CPQ: variants seen among roughly 807,000 people sequenced by gnomAD.
CPQ encodes carboxypeptidase Q.
Under a neutral mutation model 45.7 loss-of-function variants are expected in CPQ, and 37 were observed. That is an observed-to-expected ratio of 0.81 (90% CI 0.62 to 1.07). CPQ has a LOEUF of 1.07. CPQ is among the 50% of genes least tolerant of loss of function. CPQ has a pLI of 0.00. For synonymous variants in CPQ, 186 were observed against 205.8 expected, an observed-to-expected ratio of 0.90 and a Z score of 0.82; for missense variants, 537 against 572.9, an observed-to-expected ratio of 0.94 and a Z score of 0.64.
At chr8:96,736,280 T>C (rs564192768) in intron 1 of CPQ, among the ~76,000 whole-genome samples, 77 of 152,330 alleles carry the variant, frequency 5.1e-4, no homozygotes, top group African/African-American at 1.6e-3. Flanking sequence ...GGTCAGATGC[T>C]CAGTCTCTAC....
Position 96,676,732 on chromosome 8 carries a change from A to T in CPQ, c.-35+31330A>T, listed in dbSNP as rs1334258982. On this transcript the variant is annotated intron_variant, in intron 1 of 7. Coordinates refer to ENST00000220763, the MANE Select transcript of CPQ (RefSeq NM_016134.4). Reference sequence around the variant, plus strand: ...GCAGTTGGTGTTTGGCTACATGGATAGGCTGTTTAGTGGTGATTTCTGAGA... The same window carrying T: ...GCAGTTGGTGTTTGGCTACATGGATTGGCTGTTTAGTGGTGATTTCTGAGA... Among the ~76,000 whole-genome samples, 3 of 152,128 alleles carry T rather than the reference A, an allele frequency of 2.0e-5. No homozygotes were observed. In the Middle Eastern group the frequency reaches 0.01, roughly 517 times the overall value.
At chr8:96,915,929 G>A (rs1812727104) in intron 4 of CPQ, among the ~76,000 whole-genome samples, 1 of 152,108 alleles carries the variant, frequency 6.6e-6, no homozygotes, top group Admixed American at 6.6e-5. Flanking sequence ...GTTTCTGCCT[G>A]GAGGTGATCA....
chr8:96,913,725 G>A (rs1000265512), intron 4 of CPQ, among the ~76,000 whole-genome samples: 3 of 152,162 alleles, frequency 2.0e-5, no homozygotes, highest in African/African-American at 7.2e-5. Flanking sequence ...TATTTTGGTT[G>A]TCTAGCTACT....
chr8:96,970,428 A>G (rs897368738), intron 5 of CPQ, among the ~76,000 whole-genome samples: 2 of 152,212 alleles, frequency 1.3e-5, no homozygotes, highest in Non-Finnish European at 2.9e-5. Context: ...AATAAACCCA[A>G]GCAGTAGGTA....
chr8:96,853,395 G>T (rs987731787), intron 3 of CPQ, among the ~76,000 whole-genome samples: 4 of 152,320 alleles, frequency 2.6e-5, no homozygotes, highest in South Asian at 4.1e-4. Flanking sequence ...CTCCTGTGAA[G>T]ACTGGTAATT....
intron 5 of CPQ, among the ~76,000 whole-genome samples, chr8:96,979,820 A>AT (rs1204321250): frequency 6.6e-6 from 1 of 152,316 alleles, no homozygotes; most frequent in South Asian, 2.1e-4. Flanking sequence ...GAAGTTGATT[A>AT]TTATAAGAGT....
At chr8:96,724,376 C>T (rs1405325192) in intron 1 of CPQ, among the ~76,000 whole-genome samples, 15 of 151,330 alleles carry the variant, frequency 9.9e-5, no homozygotes, top group Non-Finnish European at 1.3e-4. Flanking sequence ...GAAATTTAAT[C>T]CCCAATGTGG....
rs1586512084 is a variant in CPQ, at chr8:97,044,926, G to A, written c.1053+15432G>A. On this transcript the variant is annotated intron_variant, in intron 6 of 7. Coordinates refer to ENST00000220763, the MANE Select transcript of CPQ (RefSeq NM_016134.4). ...GGTGCCTCCCAGTTAGGCTGCTGGG[G>A]GGTCAGGGGTCAGGGACCCACTTGA... 2.6e-5 allele frequency among the ~76,000 whole-genome samples: 4 copies of A among 152,314 alleles called. No individual in the cohort carries two copies. The East Asian group carries it at 7.7e-4, about 29-fold the overall frequency.
chr8:97,134,221 G>GC (rs1357045192), intron 7 of CPQ, among the ~76,000 whole-genome samples: 2 of 152,194 alleles, frequency 1.3e-5, no homozygotes, highest in African/African-American at 4.8e-5. Flanking sequence ...TAAGTGCCAG[G>GC]CATTGAGGAT....
At chr8:97,053,898 C>T (rs559306473) in intron 6 of CPQ, among the ~76,000 whole-genome samples, 2 of 151,800 alleles carry the variant, frequency 1.3e-5, no homozygotes, top group East Asian at 1.9e-4. Context: ...AAGGAAGGAG[C>T]GAACAGAATC....
At chr8:96,666,182 G>C (rs528062702) in intron 1 of CPQ, among the ~76,000 whole-genome samples, 1 of 152,108 alleles carries the variant, frequency 6.6e-6, no homozygotes, top group Non-Finnish European at 1.5e-5. Context: ...CTAGCCCTGT[G>C]GTTATAAAGG....
intron 6 of CPQ, among the ~76,000 whole-genome samples, chr8:97,035,038 G>A (rs1024013120): frequency 7.2e-5 from 11 of 151,876 alleles, no homozygotes; most frequent in Non-Finnish European, 1.3e-4. Context: ...GACTACAGGC[G>A]TGTGCCACCA....
chr8:96,717,451 TG>T (rs1563477788), intron 1 of CPQ, among the ~76,000 whole-genome samples: 1 of 152,096 alleles, frequency 6.6e-6, no homozygotes, highest in African/African-American at 2.4e-5. Flanking sequence ...GCTGTTTTGG[TG>T]ACTATGGCCT....
intron 7 of CPQ, among the ~76,000 whole-genome samples, chr8:97,081,396 A>C (rs1234596265): frequency 6.6e-6 from 1 of 152,128 alleles, no homozygotes; most frequent in Non-Finnish European, 1.5e-5. Context: ...GACCAAGTCA[A>C]AGCCCACATA....
intron 4 of CPQ, among the ~76,000 whole-genome samples, chr8:96,953,345 G>T (rs1813299449): frequency 6.6e-6 from 1 of 151,966 alleles, no homozygotes; most frequent in Non-Finnish European, 1.5e-5. Flanking sequence ...TTATCCTCTG[G>T]GGAGTACTGT....
intron 1 of CPQ, among the ~76,000 whole-genome samples, chr8:96,657,470 G>A (rs540934565): frequency 6.6e-6 from 1 of 152,258 alleles, no homozygotes; most frequent in East Asian, 1.9e-4. Context: ...TATTCATTCA[G>A]CTGTCTCCGT....
At chr8:96,964,454 GA>G (rs1246543084) in intron 4 of CPQ, among the ~76,000 whole-genome samples, 2 of 152,068 alleles carry the variant, frequency 1.3e-5, no homozygotes, top group Admixed American at 6.6e-5. Context: ...TAATGATAAT[GA>G]AGCTGAGTAT....
intron 4 of CPQ, among the ~76,000 whole-genome samples, chr8:96,945,566 T>G (rs1002971318): frequency 7.9e-5 from 12 of 152,140 alleles, no homozygotes; most frequent in Non-Finnish European, 1.6e-4. Context: ...ATTGAGCTGT[T>G]TTTTCTTTTT....
At chr8:97,115,692 C>G (rs535824251) in intron 7 of CPQ, among the ~76,000 whole-genome samples, 53 of 152,298 alleles carry the variant, frequency 3.5e-4, no homozygotes, top group African/African-American at 1.1e-3. Flanking sequence ...GTGTGCTAAG[C>G]TGGATGTAGG....
Sources: gnomAD v4.1 joint callset for allele counts (sites outside exome capture counted in the v4.1 genomes callset) on GRCh38, gnomAD v4.1.1 for gene constraint, MANE v1.5 for transcripts, NCBI Gene and HGNC (gene_info 2026-07-23, HGNC 2026-07-21) for gene names.